The following COL4A3 variants were observed in gnomAD, a reference collection of about 807,000 sequenced individuals.
COL4A3 encodes the protein collagen type IV alpha 3 chain.
Under a neutral mutation model 217.4 loss-of-function variants are expected in COL4A3, and 135 were observed. The ratio of observed to expected loss-of-function variants is 0.62; its 90% CI spans 0.54 to 0.72. The LOEUF (loss-of-function observed/expected upper bound fraction) is 0.72. Ranked by LOEUF, COL4A3 falls within the 30% of genes least tolerant of loss-of-function variation. COL4A3 has a pLI of 0.00. For missense variants in COL4A3, 1,868 were observed against 2,119.9 expected, an observed-to-expected ratio of 0.88 and a Z score of 2.33; for synonymous variants, 690 against 736.3, an observed-to-expected ratio of 0.94 and a Z score of 1.02.
At chr2:227,254,806 TA>T in intron 15 of COL4A3, 91 bp downstream of exon 15, 1 of 900,550 alleles carries the variant, frequency 1.1e-6, no homozygotes, top group Non-Finnish European at 1.9e-6. Flanking sequence ...CAACTCAAAC[TA>T]GCTCAAGCTA....
rs2125996486 is a variant in COL4A3 at position 227,273,055 on chromosome 2, G to A, written c.1865G>A (p.Gly622Glu). 1 of 1,614,150 alleles carries A rather than the reference G, an allele frequency of 6.2e-7. No homozygotes were observed. Among genetic ancestry groups the A allele is most frequent in the Non-Finnish European group, 8.5e-7 (1 of 1,180,020 alleles). Residue 622 changes from glycine to glutamate, a missense_variant, in exon 26 of 52, where the codon GGA becomes GAA. This residue lies in a region of COL4A3 where 1,503 missense variants were observed against 1,786.1 expected (regional missense o/e 0.84). Transcript: ENST00000396578. ...PAGPPGYGPQ[G>E]EPGLQGTQGV... ...GGACCACCTGGCTACGGACCCCAAG[G>A]AGAACCTGGTCTCCAGGGCACGCAA...
chr2:227,223,106 C>T (rs539291911), intron 1 of COL4A3, among the ~76,000 whole-genome samples: 3 of 151,826 alleles, frequency 2.0e-5, no homozygotes, highest in Admixed American at 6.6e-5. Context: ...CTTTTTAATA[C>T]TTGATATGCT....
rs778439146 is a variant in COL4A3 at position 227,260,065 on chromosome 2, C to A, written c.1114+188C>A. The A allele has an allele frequency of 2.9e-5, 22 of 747,808 alleles. No individual in the cohort carries two copies. In the Admixed American group the frequency reaches 3.6e-4, roughly 12 times the overall value. 46.3% of individuals were successfully genotyped at this position (747,808 alleles called of 1,614,324 possible). A position where few individuals can be genotyped will look rare whatever the true frequency, so the allele number is the denominator to read the frequency against. The stretch of plus-strand genomic sequence containing the variant: ...TATTTTTATTTCATAGGTTGTATAC[C>A]AGGAAGGTAATTAAATTATCTTTAT... On this transcript the variant is annotated intron_variant, in intron 19 of 51. Coordinates refer to ENST00000396578, the MANE Select transcript of COL4A3 (RefSeq NM_000091.5).
rs542936106 is a variant in COL4A3 at position 227,312,121 on chromosome 2, A to C, written c.*251A>C. On this transcript the variant is annotated 3_prime_UTR_variant, in exon 52 of 52. Coordinates refer to ENST00000396578, the MANE Select transcript of COL4A3 (RefSeq NM_000091.5). ...CAACTATTCACAAAATATCACCAAAAACCTATTCCACTTACATCCAAGGCA... is the reference window on the plus strand; with the variant it reads ...CAACTATTCACAAAATATCACCAAACACCTATTCCACTTACATCCAAGGCA... 107 of 511,868 alleles carry C rather than the reference A, an allele frequency of 2.1e-4. No individual in the cohort carries two copies. The highest frequency in any genetic ancestry group is 2.0e-3 in the African/African-American group (103 of 51,412). 31.7% of individuals were successfully genotyped at this position (511,868 alleles called of 1,614,324 possible). A position where few individuals can be genotyped will look rare whatever the true frequency, so the allele number is the denominator to read the frequency against.
intron 1 of COL4A3, chr2:227,228,042 G>T (rs4276018): frequency 0.84 from 128,495 of 152,276 alleles, 54,366 homozygotes; most frequent in South Asian, 0.88. Context: ...TCACTGCACC[G>T]TCTTTGTCAG....
At chr2:227,244,493 A>G in intron 4 of COL4A3, 129 bp downstream of exon 4, 1 of 905,894 alleles carries the variant, frequency 1.1e-6, no homozygotes, top group Non-Finnish European at 1.8e-6. Context: ...GGTAATACTA[A>G]TCTGTAATGG....
intron 1 of COL4A3, among the ~76,000 whole-genome samples, chr2:227,181,469 C>T (rs976223625): frequency 3.9e-5 from 6 of 152,294 alleles, no homozygotes; most frequent in Non-Finnish European, 4.4e-5. Context: ...ATTCTTTATA[C>T]ACAGATCTTT....
At position 227,284,294 on chromosome 2, in the gene COL4A3, C is replaced by T. The variant is rs780443142; in HGVS notation, c.2830C>T (p.Pro944Ser). ...GEQGDKGNPGPSEISHVIGDK... is the reference protein window; with the variant it reads ...GEQGDKGNPGSSEISHVIGDK... ...ACAAGGAGATAAAGGAAATCCCGGG[C>T]CTTCAGAGATATCCCACGTAATAGG... is the stretch of plus-strand genomic sequence containing the variant. The change falls in exon 34 of 52, where the codon CCT becomes TCT. Residue 944 changes from proline to serine, a missense_variant. By Grantham distance (74) the Pro-to-Ser change is moderately conservative (BLOSUM62 -1). Transcript: ENST00000396578. 6.8e-6 allele frequency: 11 copies of T among 1,614,028 alleles called. No individual in the cohort carries two copies. Among genetic ancestry groups the T allele is most frequent in the Non-Finnish European group, 7.6e-6 (9 of 1,180,000 alleles).
rs764086110 is a variant in COL4A3, at chr2:227,256,369, T to G, written c.960T>G (p.Pro320=). The part of the protein sequence containing the change: ...SEGVKGNRGF[P]GLMGEDGIKG... ...GAGTCAAGGGCAACAGGGGTTTCCC[T>G]GGGTTAATGGGTGAAGATGGCATTA... Residue 320 remains proline (P), a synonymous_variant, in exon 17 of 52, where the codon CCT becomes CCG. Coordinates refer to ENST00000396578, the MANE Select transcript of COL4A3 (RefSeq NM_000091.5). The G allele has an allele frequency of 6.2e-7, 1 of 1,613,606 alleles. No homozygotes were observed.
chr2:227,295,066 C>T lies in COL4A3; in HGVS notation c.3517+4C>T. 3 of 1,611,358 alleles carry T rather than the reference C, an allele frequency of 1.9e-6. No homozygotes were observed. Among genetic ancestry groups the T allele is most frequent in the Non-Finnish European group, 2.5e-6 (3 of 1,177,886 alleles). The stretch of plus-strand genomic sequence containing the variant: ...GCCGGAGAAAAGGGAGAAACGGGTA[C>T]AACTTGCTCATTATCTTTGATCCGT... On this transcript the variant is annotated splice_donor_region_variant and intron_variant, in intron 40 of 51. Transcript: ENST00000396578.
At chr2:227,192,608 A>G (rs2066288348) in intron 1 of COL4A3, among the ~76,000 whole-genome samples, 1 of 152,136 alleles carries the variant, frequency 6.6e-6, no homozygotes, top group South Asian at 2.1e-4. Context: ...CATGTGCCCC[A>G]AGTCCTCAAT....
chr2:227,266,707 C>G (rs1032823997), intron 22 of COL4A3, among the ~76,000 whole-genome samples, 198 bp downstream of exon 22: 8 of 152,104 alleles, frequency 5.3e-5, no homozygotes, highest in Non-Finnish European at 1.2e-4. Flanking sequence ...TTGGATATCC[C>G]TAAAATGTGA....
chr2:227,270,501 C>T lies in COL4A3; in HGVS notation c.1576-269C>T, dbSNP rs2071172565. Among the ~76,000 whole-genome samples, 3 of 152,076 alleles carry T rather than the reference C, an allele frequency of 2.0e-5. No individual in the cohort carries two copies. The South Asian group carries it at 6.2e-4, about 32-fold the overall frequency. On this transcript the variant is annotated intron_variant, in intron 24 of 51. Coordinates refer to ENST00000396578, the MANE Select transcript of COL4A3 (RefSeq NM_000091.5). ...AAAATTTACCAATATTCAAACATAA[C>T]CTGTATTATGGTGATTGTTCTATGG...
In COL4A3 at chr2:227,253,861, G is replaced by A; in HGVS notation, c.765+223G>A. Among the ~76,000 whole-genome samples, 1 of 151,526 alleles carries A rather than the reference G, an allele frequency of 6.6e-6. No individual in the cohort carries two copies. On this transcript the variant is annotated intron_variant, in intron 13 of 51. Transcript: ENST00000396578. This position sits in a 1 kb window ranked among gnomAD's most constrained non-coding sequence, Gnocchi z 4.4. ...GAGGCTCCAGCTTGGGCAACAGAGT[G>A]AGACTTCATTTAAAAAAAAAAACAA...
intron 42 of COL4A3, 85 bp from the exon 43 acceptor site, chr2:227,298,597 T>TA: frequency 6.4e-7 from 1 of 1,569,376 alleles, no homozygotes; most frequent in Non-Finnish European, 8.7e-7. Flanking sequence ...GTGAAGGGTT[T>TA]ATACTTCATT....
chr2:227,192,375 C>T (rs1162857527), intron 1 of COL4A3, among the ~76,000 whole-genome samples: 1 of 152,166 alleles, frequency 6.6e-6, no homozygotes, highest in Admixed American at 6.5e-5. Flanking sequence ...GTTTAGCACA[C>T]ACTATCATAT....
chr2:227,282,385 C>T lies in COL4A3; in HGVS notation c.2509C>T (p.Pro837Ser). The change falls in exon 32 of 52, where the codon CCA becomes TCA. Residue 837 changes from proline to serine, a missense_variant. Pro to Ser is a moderately conservative substitution (Grantham distance 74). This residue lies in a region of COL4A3 where 1,503 missense variants were observed against 1,786.1 expected (regional missense o/e 0.84). Transcript: ENST00000396578. The surrounding 1 kb of genome is among the most constrained non-coding windows in gnomAD (Gnocchi z 4.4). Reference sequence around the variant, plus strand: ...CACAGGCAGAAGAGGTAAAACGGGGCCAAAGGGAGACCCAGGAATTCCAGG... The same window carrying T: ...CACAGGCAGAAGAGGTAAAACGGGGTCAAAGGGAGACCCAGGAATTCCAGG... Reference protein sequence around the residue: ...GQQGRRGKTGPKGDPGIPGLD... With the variant: ...GQQGRRGKTGSKGDPGIPGLD... 1 of 1,611,664 alleles carries T rather than the reference C, an allele frequency of 6.2e-7. No homozygotes were observed. Among genetic ancestry groups the T allele is most frequent in the South Asian group, 1.1e-5 (1 of 90,952 alleles).
Position 227,270,863 on chromosome 2 carries a change from G to A in COL4A3, c.1669G>A (p.Gly557Arg), listed in dbSNP as rs1457269547. The A allele has an allele frequency of 1.2e-6, 2 of 1,614,082 alleles. No homozygotes were observed. Among genetic ancestry groups the A allele is most frequent in the East Asian group, 2.2e-5 (1 of 44,892 alleles). The change falls in exon 25 of 52, where the codon GGG becomes AGG. Residue 557 changes from glycine to arginine, a missense_variant. Physicochemically the swap from Gly to Arg is moderately radical, Grantham distance 125. Around this residue, in one of 2 missense-constraint regions of COL4A3, gnomAD observed 1,503 missense variants for 1,786.1 expected, o/e 0.84. Coordinates refer to ENST00000396578, the MANE Select transcript of COL4A3 (RefSeq NM_000091.5). ...GCAAGTGGGTGTCCCAGGTGACCCG[G>A]GGCTCAGAGGCCAACCTGGGAGAAA... ...EGQVGVPGDP[G>R]LRGQPGRKGL...
intron 1 of COL4A3, among the ~76,000 whole-genome samples, chr2:227,184,226 TGC>T (rs1191983269): frequency 6.6e-6 from 1 of 152,186 alleles, no homozygotes; most frequent in Middle Eastern, 3.2e-3. Flanking sequence ...GACCAGCAAG[TGC>T]ACATGGGTGA....
Sources: gnomAD v4.1 joint callset for allele counts (sites outside exome capture counted in the v4.1 genomes callset) on GRCh38, gnomAD v4.1.1 for gene constraint, gnomAD v4.1.1 regional missense constraint, Gnocchi (gnomAD v3.1) non-coding constraint, MANE v1.5 for transcripts, NCBI Gene and HGNC (gene_info 2026-07-23, HGNC 2026-07-21) for gene names.